Variants in JPH3 observed in about 807,000 individuals in gnomAD.
The protein encoded by JPH3 is junctophilin-3.
Under a neutral mutation model 59.6 loss-of-function variants are expected in JPH3, and 11 were observed. The ratio of observed to expected loss-of-function variants is 0.18; its 90% CI spans 0.12 to 0.31. The LOEUF (loss-of-function observed/expected upper bound fraction) is 0.31. JPH3 is among the 10% of genes least tolerant of loss of function. The pLI is 1.00. For synonymous variants in JPH3, 673 were observed against 483.6 expected (o/e 1.39, Z -5.14); for missense variants, 1,202 against 1,105.7 (o/e 1.09, Z -1.24).
chr16:87,655,350 ACAGGGTGTTATTTTTTG>A (rs2032462719), intron 2 of JPH3, among the ~76,000 whole-genome samples: 1 of 50,022 alleles, frequency 2.0e-5, no homozygotes, highest in African/African-American at 8.0e-5. Flanking sequence ...ATTTTTTGTG[ACAGGGTGTTATTTTTTG>A]TGACAGGGTG....
chr16:87,654,952 C>G (rs1244959238), intron 2 of JPH3: 1 of 152,236 alleles, frequency 6.6e-6, no homozygotes, highest in Non-Finnish European at 1.5e-5. Flanking sequence ...GAGTGCGGCT[C>G]CGGGAAAACG....
chr16:87,684,449 G>T (rs1345802410), intron 3 of JPH3, 183 bp downstream of exon 3: 7 of 914,388 alleles, frequency 7.7e-6, no homozygotes, highest in African/African-American at 1.7e-5. Flanking sequence ...GCCTGGCCTG[G>T]CTCCCCGGGA....
chr16:87,612,958 G>A (rs553844748), intron 1 of JPH3, among the ~76,000 whole-genome samples: 28 of 151,736 alleles, frequency 1.8e-4, no homozygotes, highest in African/African-American at 2.9e-4. Context: ...CCTGGGAGGC[G>A]GAGCTTGCAG....
chr16:87,677,671 A>G (rs542210857), intron 2 of JPH3, among the ~76,000 whole-genome samples: 1 of 152,334 alleles, frequency 6.6e-6, no homozygotes, highest in South Asian at 2.1e-4. Flanking sequence ...GGTGCTGTCC[A>G]GGGAGTCTGG....
At chr16:87,686,201 C>T (rs1233600687) in intron 3 of JPH3, among the ~76,000 whole-genome samples, 1 of 152,236 alleles carries the variant, frequency 6.6e-6, no homozygotes, top group East Asian at 1.9e-4. Context: ...TTTACTGCTC[C>T]AGTCCCAAGA....
Position 87,677,434 on chromosome 16 carries a change from G to A in JPH3, c.1161-6708G>A, listed in dbSNP as rs548862884. ...TCAATAAAGCTGCTAAAAAAAACTC[G>A]CCCACCAGGTACCCATCAGGTATCT... On this transcript the variant is annotated intron_variant, in intron 2 of 4. Transcript: ENST00000284262. Among the ~76,000 whole-genome samples, 20 of 152,126 alleles carry A rather than the reference G, an allele frequency of 1.3e-4. 1 individual carries two copies. Among genetic ancestry groups the A allele is most frequent in the South Asian group, 6.2e-4 (3 of 4,812 alleles).
At position 87,690,030 on chromosome 16, in the gene JPH3, G is replaced by A. The variant is rs1237610213; in HGVS notation, c.1670G>A (p.Arg557His). ...LRGGLLVDDF[R>H]TRGSGRKQPG... The stretch of plus-strand genomic sequence containing the variant: ...GGCGGCCTGCTCGTGGATGACTTCC[G>A]CACCCGAGGTTCGGGCCGCAAGCAG... Residue 557 changes from arginine to histidine, a missense_variant, in exon 4 of 5, where the codon CGC becomes CAC. Arg to His is a conservative substitution (Grantham distance 29, BLOSUM62 0). Coordinates refer to ENST00000284262, the MANE Select transcript of JPH3 (RefSeq NM_020655.4). 3.9e-6 allele frequency: 6 copies of A among 1,542,182 alleles called. No individual in the cohort carries two copies. Among genetic ancestry groups the A allele is most frequent in the Admixed American group, 2.0e-5 (1 of 50,384 alleles).
At chr16:87,684,427 G>A in intron 3 of JPH3, 161 bp downstream of exon 3, 1 of 1,235,884 alleles carries the variant, frequency 8.1e-7, no homozygotes, top group Non-Finnish European at 1.1e-6. Context: ...GAAGGTGCTT[G>A]TTTGTGCCAA....
chr16:87,693,954 CCGCTG>C (rs2033691727), intron 4 of JPH3: 1 of 152,274 alleles, frequency 6.6e-6, no homozygotes, highest in Non-Finnish European at 1.5e-5. Context: ...CCACCCGTTG[CCGCTG>C]CCGTGTTGAG....
intron 1 of JPH3, among the ~76,000 whole-genome samples, chr16:87,638,307 G>C (rs758348979): frequency 6.6e-6 from 1 of 152,166 alleles, no homozygotes; most frequent in African/African-American, 2.4e-5. Flanking sequence ...TGATTCTCCT[G>C]TCTCAGCTGT....
rs2030331824 is a variant in JPH3 at position 87,603,244 on chromosome 16, C to G, written c.98C>G (p.Pro33Arg). 6.2e-7 allele frequency: 1 copy of G among 1,613,732 alleles called. No homozygotes were observed. Among genetic ancestry groups the G allele is most frequent in the Admixed American group, 1.7e-5 (1 of 60,014 alleles). The part of the protein sequence containing the change: ...KAHGHGVCTG[P>R]KGQGEYTGSW... ...CACGGCCATGGCGTCTGCACCGGCC[C>G]CAAGGGCCAAGGCGAATACACCGGC... Residue 33 changes from proline (P) to arginine (R), a missense_variant, in exon 1 of 5, where the codon CCC becomes CGC. Physicochemically the swap from Pro to Arg is moderately radical, Grantham distance 103. Transcript: ENST00000284262.
intron 2 of JPH3, among the ~76,000 whole-genome samples, chr16:87,656,382 C>T (rs1327708882): frequency 4.6e-5 from 7 of 152,216 alleles, no homozygotes; most frequent in African/African-American, 7.2e-5. Context: ...CCAGAGTGGC[C>T]AGTCCATGGC....
intron 3 of JPH3, 40 bp downstream of exon 3, chr16:87,684,306 G>A (rs375453604): frequency 1.4e-4 from 225 of 1,608,834 alleles, no homozygotes; most frequent in Non-Finnish European, 1.8e-4. Context: ...CGTGGGGAGG[G>A]GGTGCGTGGA....
chr16:87,633,539 C>T (rs956904795), intron 1 of JPH3, among the ~76,000 whole-genome samples: 16 of 151,876 alleles, frequency 1.1e-4, no homozygotes, highest in African/African-American at 3.9e-4. Context: ...CGGTGGCTCA[C>T]ACCTGTAATT....
intron 4 of JPH3, among the ~76,000 whole-genome samples, chr16:87,692,924 C>T (rs2033640278): frequency 6.6e-6 from 1 of 152,224 alleles, no homozygotes; most frequent in African/African-American, 2.4e-5. Context: ...CCTGCTACCC[C>T]ACTACAGGCT....
At chr16:87,643,927 A>C (rs115471761) in intron 1 of JPH3, among the ~76,000 whole-genome samples, 26 of 152,224 alleles carry the variant, frequency 1.7e-4, no homozygotes, top group African/African-American at 6.3e-4. Flanking sequence ...ACTTGAGCCC[A>C]TGAGTTAGAA....
At chr16:87,692,879 T>C (rs1285449086) in intron 4 of JPH3, among the ~76,000 whole-genome samples, 1 of 152,206 alleles carries the variant, frequency 6.6e-6, no homozygotes, top group Non-Finnish European at 1.5e-5. Context: ...GGCTGGACTG[T>C]GGCAGAAGAG....
At chr16:87,683,769 G>C (rs1360545602) in intron 2 of JPH3, among the ~76,000 whole-genome samples, 1 of 152,112 alleles carries the variant, frequency 6.6e-6, no homozygotes, top group African/African-American at 2.4e-5. Flanking sequence ...ATCACACCCA[G>C]CTAATTTTGT....
chr16:87,695,607 A>G, intron 4 of JPH3: 1 of 455,988 alleles, frequency 2.2e-6, no homozygotes, highest in Non-Finnish European at 4.4e-6. Flanking sequence ...TGTCCCAGCC[A>G]TTCCTGGGCT....
Sources: gnomAD v4.1 joint callset for allele counts (sites outside exome capture counted in the v4.1 genomes callset) on GRCh38, gnomAD v4.1.1 for gene constraint, MANE v1.5 for transcripts, NCBI Gene and HGNC (gene_info 2026-07-23, HGNC 2026-07-21) for gene names.